The following MYH15 variants were observed in gnomAD, a reference collection of about 807,000 sequenced individuals.
The protein encoded by MYH15 is myosin-15.
A neutral mutation model predicts 240.5 loss-of-function variants in MYH15; 227 were observed. That is an observed-to-expected ratio of 0.94 (90% CI 0.85 to 1.05). The LOEUF (loss-of-function observed/expected upper bound fraction) is 1.05. Among genes scored for constraint, MYH15 ranks in the 50% least tolerant of loss-of-function variants. The probability of loss-of-function intolerance (pLI) is 0.00; values close to 1 mark genes in which losing one functional copy is unlikely to be tolerated. For missense variants in MYH15, 2,217 were observed against 2,247.5 expected, an observed-to-expected ratio of 0.99 and a Z score of 0.27; for synonymous variants, 785 against 796.7, an observed-to-expected ratio of 0.99 and a Z score of 0.25.
chr3:108,430,092 A>C (rs2082765846), intron 26 of MYH15, among the ~76,000 whole-genome samples: 1 of 152,182 alleles, frequency 6.6e-6, no homozygotes, highest in Non-Finnish European at 1.5e-5. Flanking sequence ...AACCACTTGG[A>C]GATTAATAGT....
intron 6 of MYH15, among the ~76,000 whole-genome samples, chr3:108,496,825 A>T (rs569267177): frequency 1.3e-5 from 2 of 150,942 alleles, no homozygotes; most frequent in East Asian, 3.9e-4. Flanking sequence ...AACCACAAAC[A>T]TCTAAAATGC....
At chr3:108,428,335 G>A (rs1055285018) in intron 27 of MYH15, among the ~76,000 whole-genome samples, 157 bp downstream of exon 27, 1 of 152,174 alleles carries the variant, frequency 6.6e-6, no homozygotes, top group Non-Finnish European at 1.5e-5. Flanking sequence ...GACCACTAAG[G>A]TCAGGCCTGA....
intron 33 of MYH15, among the ~76,000 whole-genome samples, chr3:108,401,347 A>C (rs887739702): frequency 1.3e-5 from 2 of 150,382 alleles, no homozygotes; most frequent in Non-Finnish European, 3.0e-5. Flanking sequence ...CGCAGAGGAA[A>C]GCACAGATGA....
chr3:108,528,962 A>G (rs1472056651), intron 1 of MYH15, among the ~76,000 whole-genome samples: 1 of 152,332 alleles, frequency 6.6e-6, no homozygotes, highest in South Asian at 2.1e-4. Flanking sequence ...TTTCAGCACC[A>G]TGACCCTTGG....
intron 37 of MYH15, 47 bp downstream of exon 37, chr3:108,391,713 T>C: frequency 6.4e-7 from 1 of 1,565,552 alleles, no homozygotes; most frequent in Non-Finnish European, 8.7e-7. Context: ...GACAAAGAGG[T>C]CTTGAATTGG....
rs967907047 is a variant in MYH15, at chr3:108,408,306, C to A, written c.4594G>T (p.Val1532Phe). 1.9e-6 allele frequency: 3 copies of A among 1,613,386 alleles called. No homozygotes were observed. The highest frequency in any genetic ancestry group is 2.5e-6 in the Non-Finnish European group (3 of 1,179,878). ...KKLIEEEKTE[V>F]QVTLEETEGA... is the part of the protein sequence containing the mutation. ...TCTGTTTCTTCCAGTGTCACCTGGA[C>A]TTCTGTCTTCTCTTCTTCAATTAGT... Residue 1532 changes from valine to phenylalanine, a missense_variant, in exon 32 of 41, where the codon GTC becomes TTC. By Grantham distance (50) the Val-to-Phe change is conservative. Transcript: ENST00000693548.
chr3:108,460,202 T>A, intron 17 of MYH15, 98 bp downstream of exon 17: 1 of 1,080,104 alleles, frequency 9.3e-7, no homozygotes, highest in Non-Finnish European at 1.3e-6. Context: ...TAGCTCCTGA[T>A]ACTTTATCCT....
intron 25 of MYH15, among the ~76,000 whole-genome samples, chr3:108,436,493 C>G (rs574706723): frequency 6.6e-6 from 1 of 152,196 alleles, no homozygotes; most frequent in African/African-American, 2.4e-5. Flanking sequence ...TCACTGGACT[C>G]TCTTCCCTCT....
intron 25 of MYH15, 136 bp from the exon 26 acceptor site, chr3:108,431,058 C>G: frequency 1.6e-6 from 1 of 635,664 alleles, no homozygotes; most frequent in Non-Finnish European, 2.7e-6. Context: ...CCCTGATTTA[C>G]TCATTGTACA....
intron 9 of MYH15, among the ~76,000 whole-genome samples, chr3:108,488,739 T>C (rs926145919): frequency 2.0e-5 from 3 of 152,230 alleles, no homozygotes; most frequent in Non-Finnish European, 4.4e-5. Flanking sequence ...AATGCTGCAT[T>C]GAACATGGAA....
Position 108,393,384 on chromosome 3 carries a change from C to T in MYH15, c.5259+647G>A, listed in dbSNP as rs190549194. 3.1e-3 allele frequency among the ~76,000 whole-genome samples: 476 copies of T among 152,304 alleles called. 8 individuals carry two copies. Among genetic ancestry groups the T allele is most frequent in the Non-Finnish European group, 3.5e-3 (237 of 68,032 alleles). ...ACATATTTTTCCCAGTGGTACCTTC[C>T]GCTAACCATGCCCGCTGAGAGAAGT... On this transcript the variant is annotated intron_variant, in intron 36 of 40. Transcript: ENST00000693548.
At chr3:108,526,746 C>A (rs146691828) in intron 1 of MYH15, among the ~76,000 whole-genome samples, 1 of 152,166 alleles carries the variant, frequency 6.6e-6, no homozygotes. Context: ...CTGACACTTT[C>A]TCATAAACTG....
In MYH15 at chr3:108,510,468, A is replaced by AAGC; in HGVS notation, c.60_62dup (p.Leu23dup). ...CATCCAAGGCTGTGGCCTGTAGTAG[A>AAGC]AGCAGCTCAGCTTCACTTCTTCTGA... On this transcript the variant is annotated inframe_insertion, in exon 1 of 41. Coordinates refer to ENST00000693548, the MANE Select transcript of MYH15 (RefSeq NM_014981.3). The AAGC allele has an allele frequency of 6.2e-7, 1 of 1,613,286 alleles. No individual in the cohort carries two copies. The highest frequency in any genetic ancestry group is 8.5e-7 in the Non-Finnish European group (1 of 1,179,604).
intron 34 of MYH15, 68 bp from the exon 35 acceptor site, chr3:108,398,908 A>G (rs572160546): frequency 2.8e-5 from 41 of 1,489,540 alleles, no homozygotes; most frequent in African/African-American, 1.2e-4. Context: ...GCACCTACAC[A>G]TGCATGATCT....
At chr3:108,490,439 C>G (rs1301208041) in intron 9 of MYH15, among the ~76,000 whole-genome samples, 2 of 152,224 alleles carry the variant, frequency 1.3e-5, no homozygotes, top group East Asian at 3.8e-4. Flanking sequence ...AGGCTTACCT[C>G]AAATGCAATA....
At chr3:108,528,097 C>T (rs1025398591) in intron 1 of MYH15, among the ~76,000 whole-genome samples, 7 of 152,208 alleles carry the variant, frequency 4.6e-5, no homozygotes, top group Admixed American at 1.3e-4. Context: ...ATGACCTAAT[C>T]GCCTCTTAAT....
intron 36 of MYH15, 135 bp from the exon 37 acceptor site, chr3:108,392,065 T>C: frequency 1.0e-6 from 1 of 963,934 alleles, no homozygotes; most frequent in African/African-American, 1.6e-5. Context: ...CCCATTATAA[T>C]CTCCCTAACC....
chr3:108,473,780 A>G (rs2083196687), intron 12 of MYH15, among the ~76,000 whole-genome samples: 1 of 152,202 alleles, frequency 6.6e-6, no homozygotes, highest in African/African-American at 2.4e-5. Context: ...GAAGATCCTT[A>G]GTTCTTGATA....
chr3:108,438,419 T>A (rs184222656), intron 24 of MYH15, among the ~76,000 whole-genome samples: 3 of 152,336 alleles, frequency 2.0e-5, no homozygotes, highest in African/African-American at 7.2e-5. Flanking sequence ...TTTATTGATA[T>A]GTTTACTTTA....
Sources: gnomAD v4.1 joint callset for allele counts (sites outside exome capture counted in the v4.1 genomes callset) on GRCh38, gnomAD v4.1.1 for gene constraint, MANE v1.5 for transcripts, NCBI Gene and HGNC (gene_info 2026-07-23, HGNC 2026-07-21) for gene names.